Variants in SIM1 observed in about 807,000 individuals in gnomAD.
SIM1 encodes the protein SIM bHLH transcription factor 1.
In SIM1, 18 loss-of-function variants were observed where a neutral mutation model predicts 78.2. The ratio of observed to expected loss-of-function variants is 0.23; its 90% CI spans 0.16 to 0.34. The LOEUF (loss-of-function observed/expected upper bound fraction) is 0.34. Among genes scored for constraint, SIM1 ranks in the 10% least tolerant of loss-of-function variants. The pLI is 1.00. For missense variants in SIM1, 939 were observed against 975.1 expected (o/e 0.96, Z 0.49); for synonymous variants, 417 against 385.2 (o/e 1.08, Z -0.97).
rs200807053 is a variant in SIM1, at chr6:100,393,863, C to A, written c.1194G>T (p.Ser398=). 1 of 1,572,154 alleles carries A rather than the reference C, an allele frequency of 6.4e-7. No individual in the cohort carries two copies. Among genetic ancestry groups the A allele is most frequent in the South Asian group, 1.2e-5 (1 of 86,066 alleles). Residue 398 remains serine, a synonymous_variant, in exon 11 of 12, where the codon TCG becomes TCT. Coordinates refer to ENST00000369208, the MANE Select transcript of SIM1 (RefSeq NM_005068.3). ...CCCACTGGCTGTCATGATCAGATTCCGATCTTTCTGTGTGAAATCCCGAAT... is the reference window on the plus strand; with the variant it reads ...CCCACTGGCTGTCATGATCAGATTCAGATCTTTCTGTGTGAAATCCCGAAT... ...PQYSGFHTER[S]ESDHDSQWGG... is the part of the protein sequence containing the mutation.
intron 9 of SIM1, among the ~76,000 whole-genome samples, chr6:100,425,559 T>C (rs1771705678): frequency 6.6e-6 from 1 of 152,192 alleles, no homozygotes; most frequent in African/African-American, 2.4e-5. Context: ...CAAATACGGT[T>C]GATGTGCTGC....
chr6:100,430,403 G>A (rs1231869586), intron 9 of SIM1, among the ~76,000 whole-genome samples: 1 of 151,844 alleles, frequency 6.6e-6, no homozygotes, highest in Admixed American at 6.6e-5. Context: ...TTTCAAATGA[G>A]GCATATATTT....
At chr6:100,444,473 G>A (rs1772304369) in intron 9 of SIM1, among the ~76,000 whole-genome samples, 1 of 152,096 alleles carries the variant, frequency 6.6e-6, no homozygotes, top group South Asian at 2.1e-4. Context: ...TTGTTTTGGA[G>A]CAAGGGTTTA....
In SIM1 at chr6:100,436,033, G is replaced by C. The variant is rs115159695; in HGVS notation, c.998+11235C>G. On this transcript the variant is annotated intron_variant, in intron 9 of 11. Coordinates refer to ENST00000369208, the MANE Select transcript of SIM1 (RefSeq NM_005068.3). ...ACAGACACACACACACCCCTCCCAA[G>C]GTGCCCAACTCCTCCCACTGTCTCT... Among the ~76,000 whole-genome samples the C allele has an allele frequency of 5.9e-3, 891 of 151,770 alleles. 7 individuals carry two copies. Among genetic ancestry groups the C allele is most frequent in the African/African-American group, 0.02 (824 of 41,398 alleles).
At chr6:100,453,978 G>T (rs147242197) in intron 2 of SIM1, 134 bp from the exon 3 acceptor site, 9,834 of 545,846 alleles carry the variant, frequency 0.018, 172 homozygotes, top group Non-Finnish European at 0.02. Flanking sequence ...TCTCAAAGTG[G>T]ACAGCGGGGG....
chr6:100,430,681 T>C (rs1771878077), intron 9 of SIM1, among the ~76,000 whole-genome samples: 1 of 152,126 alleles, frequency 6.6e-6, no homozygotes, highest in South Asian at 2.1e-4. Flanking sequence ...GTTTTTCAAG[T>C]GTATGTTCCC....
chr6:100,421,704 C>T (rs895664999), intron 9 of SIM1, among the ~76,000 whole-genome samples: 14 of 152,152 alleles, frequency 9.2e-5, no homozygotes, highest in African/African-American at 3.4e-4. Context: ...CAAAGGTATA[C>T]TTGAGATATC....
At chr6:100,453,993 G>C (rs761919663) in intron 2 of SIM1, 149 bp from the exon 3 acceptor site, 10 of 524,856 alleles carry the variant, frequency 1.9e-5, no homozygotes, top group Non-Finnish European at 2.7e-5. Flanking sequence ...CGGGGGATGG[G>C]AGCGTGTACA....
chr6:100,461,170 G>A (rs1244747473), intron 2 of SIM1, among the ~76,000 whole-genome samples: 1 of 152,202 alleles, frequency 6.6e-6, no homozygotes, highest in Non-Finnish European at 1.5e-5. Context: ...TCCAGCGGGA[G>A]CCTTCATTGG....
chr6:100,441,131 C>T (rs1772204461), intron 9 of SIM1, among the ~76,000 whole-genome samples: 1 of 152,146 alleles, frequency 6.6e-6, no homozygotes, highest in South Asian at 2.1e-4. Context: ...TCAATACACA[C>T]CAAGTGGCCT....
rs534175530 is a variant in SIM1, at chr6:100,455,688, G to C, written c.176-1844C>G. Among the ~76,000 whole-genome samples the C allele has an allele frequency of 1.3e-3, 199 of 152,324 alleles. 1 individual carries two copies. Among genetic ancestry groups the C allele is most frequent in the African/African-American group, 4.5e-3 (187 of 41,582 alleles). On this transcript the variant is annotated intron_variant, in intron 2 of 11. Coordinates refer to ENST00000369208, the MANE Select transcript of SIM1 (RefSeq NM_005068.3). ...GGCCTTAAACCCCAAAGATTGGCGG[G>C]GACGAAGGGCCGGGGCACTCGAGCG...
intron 2 of SIM1, among the ~76,000 whole-genome samples, chr6:100,455,171 C>G (rs1431049764): frequency 1.3e-5 from 2 of 152,192 alleles, no homozygotes; most frequent in Non-Finnish European, 1.5e-5. Context: ...AAGGAGGAAC[C>G]GTGAGCGCCC....
chr6:100,432,507 G>A (rs559000901), intron 9 of SIM1, among the ~76,000 whole-genome samples: 1 of 151,870 alleles, frequency 6.6e-6, no homozygotes, highest in Non-Finnish European at 1.5e-5. Context: ...GAAAAGGGAG[G>A]GTTCCAAGGA....
intron 9 of SIM1, among the ~76,000 whole-genome samples, chr6:100,433,071 C>A (rs1218761908): frequency 6.6e-6 from 1 of 152,174 alleles, no homozygotes. Flanking sequence ...ACTACCCCAT[C>A]TTTCAAGTCA....
At chr6:100,396,152 G>T in intron 10 of SIM1, 4 of 842,662 alleles carry the variant, frequency 4.7e-6, no homozygotes, top group Non-Finnish European at 5.7e-6. Flanking sequence ...AAGCAGGGCT[G>T]GCGCTTCCTC....
At chr6:100,454,575 A>T (rs957198019) in intron 2 of SIM1, among the ~76,000 whole-genome samples, 7 of 152,004 alleles carry the variant, frequency 4.6e-5, no homozygotes, top group Non-Finnish European at 7.4e-5. Flanking sequence ...GGGTGCTAAC[A>T]ATCTTTTTGT....
rs748540070 is a variant in SIM1 at position 100,420,753 on chromosome 6, C to CA, written c.1167+36dup. 1.0e-4 allele frequency: 162 copies of CA among 1,596,324 alleles called. 1 individual carries two copies. The highest frequency in any genetic ancestry group is 4.4e-4 in the South Asian group (40 of 90,374). ...CAACTTCAAGTTCAAACCATGTCGC[C>CA]AAAAAAAAGAAAGTTGCAAAACAGC... On this transcript the variant is annotated intron_variant, in intron 10 of 11. Transcript: ENST00000369208.
At chr6:100,412,705 AAG>A (rs1250319100) in intron 10 of SIM1, among the ~76,000 whole-genome samples, 1 of 131,612 alleles carries the variant, frequency 7.6e-6, no homozygotes, top group Non-Finnish European at 1.6e-5. Context: ...GAAAGAAAGA[AAG>A]AAAGAAAGAA....
intron 9 of SIM1, among the ~76,000 whole-genome samples, chr6:100,438,808 C>A (rs985584409): frequency 2.0e-5 from 3 of 152,174 alleles, no homozygotes; most frequent in Non-Finnish European, 2.9e-5. Flanking sequence ...ATGTCTTTTG[C>A]AGCAACTTGG....
Sources: gnomAD v4.1 joint callset for allele counts (sites outside exome capture counted in the v4.1 genomes callset) on GRCh38, gnomAD v4.1.1 for gene constraint, MANE v1.5 for transcripts, NCBI Gene and HGNC (gene_info 2026-07-23, HGNC 2026-07-21) for gene names.